Variants in UBQLN1 observed in about 807,000 individuals in gnomAD.
UBQLN1 encodes ubiquilin-1.
In UBQLN1, 13 loss-of-function variants were observed where a neutral mutation model predicts 65.4. The ratio of observed to expected loss-of-function variants is 0.20; its 90% CI spans 0.13 to 0.32. The LOEUF is 0.32. Ranked by LOEUF, UBQLN1 falls within the 10% of genes least tolerant of loss-of-function variation. UBQLN1 has a pLI of 1.00. For synonymous variants in UBQLN1, 267 were observed against 247.8 expected (o/e 1.08, Z -0.73); for missense variants, 561 against 724.0 (o/e 0.77, Z 2.58).
At chr9:83,690,052 T>G (rs539070742) in intron 1 of UBQLN1, among the ~76,000 whole-genome samples, 1 of 152,298 alleles carries the variant, frequency 6.6e-6, no homozygotes, top group South Asian at 2.1e-4. Flanking sequence ...CAGTACATTT[T>G]GGAATAACAT....
chr9:83,678,429 C>G lies in UBQLN1; in HGVS notation c.870+12G>C. 3 of 1,605,068 alleles carry G rather than the reference C, an allele frequency of 1.9e-6. No homozygotes were observed. Among genetic ancestry groups the G allele is most frequent in the Non-Finnish European group, 2.5e-6 (3 of 1,176,542 alleles). On this transcript the variant is annotated intron_variant, in intron 5 of 10. Transcript: ENST00000376395. ...CTACTCCTTGGCCTGAACCTTGGAG[C>G]CAGTGGATCACCTGCTCTTGTGCAG...
intron 5 of UBQLN1, 89 bp from the exon 6 acceptor site, chr9:83,678,050 C>T: frequency 9.8e-7 from 1 of 1,022,942 alleles, no homozygotes; most frequent in Non-Finnish European, 1.4e-6. Flanking sequence ...GAGACGGAGT[C>T]TCGCTCTGTG....
chr9:83,663,070 G>GGA (rs1554726323), intron 10 of UBQLN1, among the ~76,000 whole-genome samples: 2 of 106,406 alleles, frequency 1.9e-5, no homozygotes, highest in East Asian at 2.2e-4. Context: ...GAAAGGGAAA[G>GGA]AAAAAAAAAA....
intron 10 of UBQLN1, among the ~76,000 whole-genome samples, chr9:83,662,784 T>A (rs1056337030): frequency 6.6e-6 from 1 of 152,216 alleles, no homozygotes; most frequent in African/African-American, 2.4e-5. Context: ...TTAGTAAGGC[T>A]TGAAAACAGA....
rs552908095 is a variant in UBQLN1, at chr9:83,671,159, C to T, written c.1106-1832G>A. ...TCCACTTCACATTCTAGTTCTCTTG[C>T]TATTTCCACTACTTCTACAGTCCCC... On this transcript the variant is annotated intron_variant, in intron 6 of 10. Transcript: ENST00000376395. Among the ~76,000 whole-genome samples the T allele has an allele frequency of 8.5e-5, 13 of 152,256 alleles. No individual in the cohort carries two copies. The East Asian group carries it at 1.2e-3, about 14-fold the overall frequency.
chr9:83,676,337 T>A (rs1057508795), intron 6 of UBQLN1, among the ~76,000 whole-genome samples: 1 of 152,214 alleles, frequency 6.6e-6, no homozygotes, highest in Admixed American at 6.5e-5. Context: ...GATGCAAAAC[T>A]GATTTTTGGT....
intron 6 of UBQLN1, among the ~76,000 whole-genome samples, chr9:83,672,275 T>C (rs138824015): frequency 3.3e-5 from 5 of 152,238 alleles, no homozygotes; most frequent in Non-Finnish European, 5.9e-5. Context: ...GTAGCACTTA[T>C]AATTTTCTTC....
intron 6 of UBQLN1, among the ~76,000 whole-genome samples, chr9:83,676,612 C>T (rs1831837334): frequency 6.6e-6 from 1 of 152,092 alleles, no homozygotes; most frequent in Non-Finnish European, 1.5e-5. Flanking sequence ...TCAAGATATC[C>T]ACTGTATTCT....
In UBQLN1 at chr9:83,664,852, G is replaced by A. The variant is rs146037406; in HGVS notation, c.1448+178C>T. 2.2e-3 allele frequency among the ~76,000 whole-genome samples: 328 copies of A among 148,648 alleles called. 4 individuals are homozygous for A. The highest frequency in any genetic ancestry group is 7.6e-3 in the African/African-American group (308 of 40,426). On this transcript the variant is annotated intron_variant, in intron 9 of 10. Coordinates refer to ENST00000376395, the MANE Select transcript of UBQLN1 (RefSeq NM_013438.5). ...GAGAATCCCTTGAGCCCGAGAGGTC[G>A]AGGCTGCAGTGAGCCACAACTGCGC...
chr9:83,680,529 T>A (rs150509304), intron 3 of UBQLN1, among the ~76,000 whole-genome samples: 28 of 151,694 alleles, frequency 1.8e-4, no homozygotes, highest in Non-Finnish European at 3.8e-4. Flanking sequence ...TAGAGCTCTA[T>A]GCAAATTCTT....
rs1358425250 is a variant in UBQLN1, at chr9:83,707,762, G to C, written c.-83C>G. ...GGAGGAGCCAGCAGACACCAGAGCC[G>C]GCAGGCCTGGACAGCGAAGAATGCA... On this transcript the variant is annotated 5_prime_UTR_variant, in exon 1 of 11. Coordinates refer to ENST00000376395, the MANE Select transcript of UBQLN1 (RefSeq NM_013438.5). The C allele has an allele frequency of 2.7e-6, 4 of 1,467,722 alleles. No individual in the cohort carries two copies. The East Asian group carries it at 1.0e-4, about 38-fold the overall frequency. 90.9% of individuals were successfully genotyped at this position (1,467,722 alleles called of 1,614,324 possible).
rs1350647815 is a variant in UBQLN1 at position 83,664,193 on chromosome 9, T to A, written c.1449-150A>T. On this transcript the variant is annotated intron_variant, in intron 9 of 10. Transcript: ENST00000376395. ...GTGGCTCATTCTGGGAGACCGATGA[T>A]CCCAGCAGCCCAGGAATTTGAGATC... 6.8e-6 allele frequency: 5 copies of A among 735,436 alleles called. No individual in the cohort carries two copies. The African/African-American group carries it at 7.1e-5, about 11-fold the overall frequency. 45.6% of individuals were successfully genotyped at this position (735,436 alleles called of 1,614,324 possible). A position where few individuals can be genotyped will look rare whatever the true frequency, so the allele number is the denominator to read the frequency against.
chr9:83,694,172 A>T (rs898818778), intron 1 of UBQLN1, among the ~76,000 whole-genome samples: 2 of 152,204 alleles, frequency 1.3e-5, no homozygotes, highest in Non-Finnish European at 2.9e-5. Context: ...CAACCTATCC[A>T]AAAGTAAAAT....
chr9:83,687,837 TG>T (rs773571820), intron 1 of UBQLN1, among the ~76,000 whole-genome samples: 9 of 152,204 alleles, frequency 5.9e-5, no homozygotes, highest in Non-Finnish European at 7.4e-5. Context: ...GCTAACATTT[TG>T]AAAAATAACC....
intron 1 of UBQLN1, among the ~76,000 whole-genome samples, chr9:83,690,909 G>A (rs1044471573): frequency 6.6e-6 from 1 of 152,126 alleles, no homozygotes; most frequent in Non-Finnish European, 1.5e-5. Flanking sequence ...AGGCCAAGGC[G>A]GGTGGATCAC....
At chr9:83,683,202 A>G (rs1831976013) in intron 2 of UBQLN1, 136 bp from the exon 3 acceptor site, 11 of 510,326 alleles carry the variant, frequency 2.2e-5, no homozygotes, top group South Asian at 2.2e-4. Flanking sequence ...CACGAGGTCA[A>G]GAGATAGAGA....
intron 1 of UBQLN1, among the ~76,000 whole-genome samples, chr9:83,699,511 G>A (rs1832276258): frequency 6.6e-6 from 1 of 151,958 alleles, no homozygotes; most frequent in Non-Finnish European, 1.5e-5. Context: ...TTTTTTTGTA[G>A]ACAGGCTGGT....
chr9:83,671,918 T>C (rs908692167), intron 6 of UBQLN1, among the ~76,000 whole-genome samples: 1 of 152,254 alleles, frequency 6.6e-6, no homozygotes, highest in Non-Finnish European at 1.5e-5. Context: ...TAAAAACTGG[T>C]TGTTTCATGT....
chr9:83,697,409 G>A (rs80043240), intron 1 of UBQLN1, among the ~76,000 whole-genome samples: 40,054 of 150,886 alleles, frequency 0.27, 6,497 homozygotes, highest in East Asian at 0.8. Flanking sequence ...AAAATTAGCT[G>A]GGTGTGGTGG....
Sources: allele counts gnomAD v4.1 joint callset (sites outside exome capture counted in the v4.1 genomes callset), GRCh38; gene constraint gnomAD v4.1.1; transcripts MANE v1.5; gene names NCBI Gene and HGNC (gene_info 2026-07-23, HGNC 2026-07-21).